The following LRIG3 variants were observed in gnomAD, a reference collection of about 807,000 sequenced individuals.
LRIG3 encodes the protein leucine-rich repeats and immunoglobulin-like domains protein 3.
Under a neutral mutation model 114.5 loss-of-function variants are expected in LRIG3, and 76 were observed. That is an observed-to-expected ratio of 0.66 (90% CI 0.55 to 0.80). The LOEUF (loss-of-function observed/expected upper bound fraction) is 0.80, where lower values mean the gene tolerates loss of function less well. Ranked by LOEUF, LRIG3 falls within the 30% of genes least tolerant of loss-of-function variation. LRIG3 has a pLI of 0.00. For synonymous variants in LRIG3, 512 were observed against 519.8 expected (o/e 0.98, Z 0.20); for missense variants, 1,239 against 1,382.8 (o/e 0.90, Z 1.65).
Position 58,877,798 on chromosome 12 carries a change from G to A in LRIG3, c.2138C>T (p.Thr713Ile), listed in dbSNP as rs1012056730. The A allele has an allele frequency of 6.2e-7, 1 of 1,614,008 alleles. No individual in the cohort carries two copies. The highest frequency in any genetic ancestry group is 8.5e-7 in the Non-Finnish European group (1 of 1,179,912). ...LLDRTVTKGE[T>I]AVLQCIAGGS... The stretch of plus-strand genomic sequence containing the variant: ...TCCAGCAATGCACTGTAGGACGGCT[G>A]TTTCTCCCTTGGTTACAGTTCGGTC... The change falls in exon 15 of 19, where the codon ACA becomes ATA. Residue 713 changes from threonine to isoleucine, a missense_variant. Physicochemically the swap from Thr to Ile is moderately conservative, Grantham distance 89. Coordinates refer to ENST00000320743, the MANE Select transcript of LRIG3 (RefSeq NM_153377.5).
chr12:58,902,741 C>T (rs1171817269), intron 3 of LRIG3, among the ~76,000 whole-genome samples: 1 of 129,780 alleles, frequency 7.7e-6, no homozygotes, highest in Non-Finnish European at 1.6e-5. Context: ...CACAACAGTC[C>T]CCAGAGTGTG....
chr12:58,878,295 ATTAT>A (rs1870998313), intron 14 of LRIG3, among the ~76,000 whole-genome samples: 1 of 152,198 alleles, frequency 6.6e-6, no homozygotes, highest in East Asian at 1.9e-4. Context: ...ATTTACTTTT[ATTAT>A]TTAGTATCTT....
chr12:58,900,570 A>G (rs1220165013), intron 3 of LRIG3, among the ~76,000 whole-genome samples: 1 of 152,216 alleles, frequency 6.6e-6, no homozygotes, highest in Non-Finnish European at 1.5e-5. Context: ...AAACACTAAA[A>G]TAAAACCATT....
chr12:58,894,002 T>C (rs1871546558), intron 3 of LRIG3, among the ~76,000 whole-genome samples: 1 of 152,212 alleles, frequency 6.6e-6, no homozygotes, highest in South Asian at 2.1e-4. Flanking sequence ...CAGGTGTCTA[T>C]CACGTTGGTC....
chr12:58,917,311 T>C (rs374706994), intron 1 of LRIG3, among the ~76,000 whole-genome samples: 1 of 152,238 alleles, frequency 6.6e-6, no homozygotes, highest in Non-Finnish European at 1.5e-5. Context: ...GAAGTTCTCA[T>C]TGGCAATTTA....
intron 3 of LRIG3, among the ~76,000 whole-genome samples, chr12:58,897,476 G>A (rs1258586741): frequency 6.6e-6 from 1 of 152,110 alleles, no homozygotes; most frequent in Admixed American, 6.6e-5. Context: ...CAAGCTCCAC[G>A]GTGCATGCAA....
rs374441498 is a variant in LRIG3, at chr12:58,920,188, C to A, written c.48G>T (p.Leu16=). Residue 16 remains leucine (L), a synonymous_variant, in exon 1 of 19, where the codon CTG becomes CTT. Coordinates refer to ENST00000320743, the MANE Select transcript of LRIG3 (RefSeq NM_153377.5). ...LRARAAGLGL[L]LCAVLGRAGR... ...CAGCGCGCCCCAGCACCGCGCACAG[C>A]AGCAGCCCCAACCCCGCGGCGCGCG... 2.0e-5 allele frequency: 30 copies of A among 1,499,280 alleles called. No individual in the cohort carries two copies. Among genetic ancestry groups the A allele is most frequent in the Non-Finnish European group, 7.1e-6 (8 of 1,130,940 alleles). The allele number at this position is 1,499,280 out of a possible 1,614,324, so 92.9% of individuals were successfully genotyped here.
chr12:58,915,908 C>G (rs1401689620), intron 1 of LRIG3, among the ~76,000 whole-genome samples: 1 of 152,172 alleles, frequency 6.6e-6, no homozygotes, highest in Non-Finnish European at 1.5e-5. Flanking sequence ...AGTCTTTCAC[C>G]TGGGAGGTAG....
At chr12:58,895,575 T>C (rs763124031) in intron 3 of LRIG3, among the ~76,000 whole-genome samples, 20 of 152,122 alleles carry the variant, frequency 1.3e-4, no homozygotes, top group Non-Finnish European at 2.5e-4. Flanking sequence ...CGCCGGGAGA[T>C]GACAGCAGTC....
rs748264023 is a variant in LRIG3, at chr12:58,920,008, G to C, written c.228C>G (p.Val76=). Residue 76 remains valine, a synonymous_variant, in exon 1 of 19, where the codon GTC becomes GTG. Transcript: ENST00000320743. The stretch of plus-strand genomic sequence containing the variant: ...GCGGGAAGAATACTTACAGCCGAGC[G>C]ACCCAGGACGGGAGTGGCTCGGGAA... The part of the protein sequence containing the change: ...ARLPEPLPSW[V]ARLDLSHNRL... 72 of 1,552,652 alleles carry C rather than the reference G, an allele frequency of 4.6e-5. No individual in the cohort carries two copies. The Middle Eastern group carries it at 1.0e-3, about 22-fold the overall frequency.
At chr12:58,878,453 CCTTCCCAATTT>C (rs1408414565) in intron 14 of LRIG3, among the ~76,000 whole-genome samples, 1 of 151,858 alleles carries the variant, frequency 6.6e-6, no homozygotes, top group African/African-American at 2.4e-5. Flanking sequence ...GAGAGTAAGG[CCTTCCCAATTT>C]GTTCCCACAT....
chr12:58,904,213 G>A (rs887377464), intron 3 of LRIG3, among the ~76,000 whole-genome samples: 3 of 152,116 alleles, frequency 2.0e-5, no homozygotes, highest in Admixed American at 1.3e-4. Context: ...TCCATCAAAC[G>A]AGGACCCTGA....
intron 3 of LRIG3, among the ~76,000 whole-genome samples, chr12:58,898,577 T>A (rs1871726431): frequency 6.6e-6 from 1 of 152,202 alleles, no homozygotes; most frequent in Non-Finnish European, 1.5e-5. Context: ...AGAAACCATG[T>A]GTAAAAGCTG....
intron 16 of LRIG3, among the ~76,000 whole-genome samples, chr12:58,876,193 T>A (rs1870911077): frequency 6.6e-6 from 1 of 152,232 alleles, no homozygotes; most frequent in Non-Finnish European, 1.5e-5. Flanking sequence ...TACACAAATA[T>A]CCTTTACACA....
At chr12:58,894,581 A>G (rs1472188362) in intron 3 of LRIG3, among the ~76,000 whole-genome samples, 1 of 152,196 alleles carries the variant, frequency 6.6e-6, no homozygotes, top group Non-Finnish European at 1.5e-5. Flanking sequence ...ACCCACTTCT[A>G]GTAGACAGAG....
At chr12:58,890,571 A>G in intron 4 of LRIG3, 94 bp downstream of exon 4, 2 of 1,156,772 alleles carry the variant, frequency 1.7e-6, no homozygotes, top group Non-Finnish European at 2.4e-6. Flanking sequence ...TCAATCCATC[A>G]GTAGTAAAGT....
intron 5 of LRIG3, 26 bp downstream of exon 5, chr12:58,889,970 A>G (rs1433351695): frequency 6.2e-7 from 1 of 1,608,954 alleles, no homozygotes; most frequent in Non-Finnish European, 8.5e-7. Context: ...GGTGAGAAAC[A>G]GTATCTAAGA....
At chr12:58,907,992 T>C (rs1293023990) in intron 3 of LRIG3, among the ~76,000 whole-genome samples, 2 of 152,228 alleles carry the variant, frequency 1.3e-5, no homozygotes, top group African/African-American at 4.8e-5. Flanking sequence ...ATCGCCATCC[T>C]TGGGATTCTA....
intron 3 of LRIG3, among the ~76,000 whole-genome samples, chr12:58,906,420 A>C (rs528997351): frequency 6.6e-6 from 1 of 152,292 alleles, no homozygotes; most frequent in Non-Finnish European, 1.5e-5. Flanking sequence ...ATTACTTTAA[A>C]GTTATATGTT....
Sources: allele counts gnomAD v4.1 joint callset (sites outside exome capture counted in the v4.1 genomes callset), GRCh38; gene constraint gnomAD v4.1.1; transcripts MANE v1.5; gene names NCBI Gene and HGNC (gene_info 2026-07-23, HGNC 2026-07-21).